Variants in NR3C2 observed in about 807,000 individuals in gnomAD.
The protein encoded by NR3C2 is nuclear receptor subfamily 3 group C member 2, also known as mineralocorticoid receptor.
NR3C2 carries 15 observed loss-of-function variants against 86.4 expected under a neutral mutation model. That is an observed-to-expected ratio of 0.17 (90% CI 0.12 to 0.27). The LOEUF is 0.27. NR3C2 is among the 10% of genes least tolerant of loss of function. The pLI is 1.00. For synonymous variants in NR3C2, 458 were observed against 450.5 expected (o/e 1.02, Z -0.21); for missense variants, 960 against 1,195.6 (o/e 0.80, Z 2.91).
Position 148,154,464 on chromosome 4 carries a change from T to G in NR3C2, c.2365+87A>C, listed in dbSNP as rs569854425. On this transcript the variant is annotated intron_variant, in intron 5 of 8. Transcript: ENST00000358102. The stretch of plus-strand genomic sequence containing the variant: ...TATCAGGATTTCATAGAACGCAAAC[T>G]CCTCCTGCATGGTTGGAGATGGCGA... 3.9e-4 allele frequency: 478 copies of G among 1,212,576 alleles called. 3 individuals are homozygous for G. The African/African-American group carries it at 6.4e-3, about 16-fold the overall frequency. 75.1% of individuals were successfully genotyped at this position (1,212,576 alleles called of 1,614,324 possible).
chr4:148,367,530 C>G (rs1437781838), intron 2 of NR3C2, among the ~76,000 whole-genome samples: 1 of 152,084 alleles, frequency 6.6e-6, no homozygotes, highest in Non-Finnish European at 1.5e-5. Flanking sequence ...GCTAAGCAAT[C>G]ATGTATAAAC....
At chr4:148,121,077 G>A (rs1003959031) in intron 6 of NR3C2, among the ~76,000 whole-genome samples, 1 of 152,096 alleles carries the variant, frequency 6.6e-6, no homozygotes, top group Non-Finnish European at 1.5e-5. Flanking sequence ...CCTTTTGTAA[G>A]GCCCTGGATA....
At chr4:148,204,934 C>T (rs1028988438) in intron 3 of NR3C2, among the ~76,000 whole-genome samples, 2 of 152,182 alleles carry the variant, frequency 1.3e-5, no homozygotes, top group African/African-American at 4.8e-5. Flanking sequence ...ATTTAAAAAT[C>T]CTACATGCTG....
chr4:148,081,178 A>AAAAC lies in NR3C2; in HGVS notation c.*162_*165dup. 2 of 965,862 alleles carry AAAAC rather than the reference A, an allele frequency of 2.1e-6. No homozygotes were observed. Among genetic ancestry groups the AAAAC allele is most frequent in the Non-Finnish European group, 3.2e-6 (2 of 627,008 alleles). The allele number at this position is 965,862 out of a possible 1,614,324, so 59.8% of individuals were successfully genotyped here. Reference sequence around the variant, plus strand: ...GCTCTGGTCTCGCCAAATCCACGGAAAAACAGCTTTCCCGGCTCCAAACCT... The same window carrying AAAAC: ...GCTCTGGTCTCGCCAAATCCACGGAAAAACAAACAGCTTTCCCGGCTCCAAACCT... On this transcript the variant is annotated 3_prime_UTR_variant, in exon 9 of 9. Coordinates refer to ENST00000358102, the MANE Select transcript of NR3C2 (RefSeq NM_000901.5).
intron 2 of NR3C2, among the ~76,000 whole-genome samples, chr4:148,399,412 C>T (rs961693018): frequency 6.6e-6 from 1 of 151,572 alleles, no homozygotes; most frequent in Non-Finnish European, 1.5e-5. Flanking sequence ...AAATGACATA[C>T]ATATAGTGTA....
At chr4:148,110,997 C>G (rs933875956) in intron 8 of NR3C2, among the ~76,000 whole-genome samples, 1 of 152,126 alleles carries the variant, frequency 6.6e-6, no homozygotes, top group African/African-American at 2.4e-5. Flanking sequence ...AACTGGACTT[C>G]GTTAAAATTA....
At chr4:148,091,988 G>GA (rs1560916525) in intron 8 of NR3C2, among the ~76,000 whole-genome samples, 1 of 152,098 alleles carries the variant, frequency 6.6e-6, no homozygotes, top group Non-Finnish European at 1.5e-5. Context: ...GGAATGGGGG[G>GA]AAAAGCCAGA....
At chr4:148,200,208 G>T (rs552540460) in intron 3 of NR3C2, among the ~76,000 whole-genome samples, 1 of 152,144 alleles carries the variant, frequency 6.6e-6, no homozygotes, top group African/African-American at 2.4e-5. Context: ...TCCAGAGGTC[G>T]CCAATGCCCT....
intron 3 of NR3C2, among the ~76,000 whole-genome samples, chr4:148,196,858 C>T (rs1437773983): frequency 2.6e-5 from 4 of 151,864 alleles, no homozygotes; most frequent in Non-Finnish European, 5.9e-5. Context: ...AATCAATATC[C>T]ATGGTAAAAA....
intron 8 of NR3C2, among the ~76,000 whole-genome samples, chr4:148,089,803 C>T (rs1178309774): frequency 6.6e-6 from 1 of 152,250 alleles, no homozygotes; most frequent in African/African-American, 2.4e-5. Context: ...GCAGTGCCAA[C>T]TGCTGGGTGG....
chr4:148,171,396 A>T (rs1352925537), intron 4 of NR3C2, among the ~76,000 whole-genome samples: 1 of 152,228 alleles, frequency 6.6e-6, no homozygotes, highest in Non-Finnish European at 1.5e-5. Context: ...CATTTTTATC[A>T]GGGATGAATG....
intron 2 of NR3C2, among the ~76,000 whole-genome samples, chr4:148,273,663 A>G (rs2149888061): frequency 6.6e-6 from 1 of 152,290 alleles, no homozygotes; most frequent in Admixed American, 6.5e-5. Context: ...AACTTAGAAG[A>G]GCCAACACAG....
chr4:148,206,522 C>T (rs559475623), intron 3 of NR3C2, among the ~76,000 whole-genome samples: 1 of 152,262 alleles, frequency 6.6e-6, no homozygotes, highest in Admixed American at 6.5e-5. Flanking sequence ...TCCCCTTTAT[C>T]CCATTATTCC....
intron 8 of NR3C2, among the ~76,000 whole-genome samples, chr4:148,084,581 A>G (rs1730725678): frequency 6.6e-6 from 1 of 152,340 alleles, no homozygotes; most frequent in South Asian, 2.1e-4. Flanking sequence ...TGTAAAGACC[A>G]TCGATGCTAT....
intron 2 of NR3C2, among the ~76,000 whole-genome samples, chr4:148,338,119 T>C (rs1225161911): frequency 6.6e-6 from 1 of 152,174 alleles, no homozygotes; most frequent in Non-Finnish European, 1.5e-5. Context: ...GCACAATATA[T>C]GACTCTTCTA....
At chr4:148,252,743 A>G (rs978518528) in intron 3 of NR3C2, among the ~76,000 whole-genome samples, 1 of 152,152 alleles carries the variant, frequency 6.6e-6, no homozygotes, top group Non-Finnish European at 1.5e-5. Context: ...AGGCCTTGAG[A>G]CATATATTCT....
At chr4:148,243,032 T>C (rs948452699) in intron 3 of NR3C2, among the ~76,000 whole-genome samples, 1 of 151,756 alleles carries the variant, frequency 6.6e-6, no homozygotes, top group Non-Finnish European at 1.5e-5. Context: ...GGTTTTTTTT[T>C]TTTTTTTTAA....
chr4:148,141,144 T>C (rs1004205072), intron 6 of NR3C2, among the ~76,000 whole-genome samples: 1 of 152,104 alleles, frequency 6.6e-6, no homozygotes, highest in Admixed American at 6.5e-5. Context: ...GTTATATGTA[T>C]TTTTGCGGCC....
At chr4:148,131,312 T>C (rs770534345) in intron 6 of NR3C2, among the ~76,000 whole-genome samples, 1 of 152,188 alleles carries the variant, frequency 6.6e-6, no homozygotes, top group African/African-American at 2.4e-5. Context: ...ACCTTGTATC[T>C]GGTACTGCAA....
Sources: allele counts gnomAD v4.1 joint callset (sites outside exome capture counted in the v4.1 genomes callset), GRCh38; gene constraint gnomAD v4.1.1; transcripts MANE v1.5; gene names NCBI Gene and HGNC (gene_info 2026-07-23, HGNC 2026-07-21).